The following CASP8 variants were observed in gnomAD, a reference collection of about 807,000 sequenced individuals.
CASP8 encodes caspase 8, also known as caspase-8.
Under a neutral mutation model 46.3 loss-of-function variants are expected in CASP8, and 24 were observed. That is an observed-to-expected ratio of 0.52 (90% CI 0.38 to 0.73). The LOEUF (loss-of-function observed/expected upper bound fraction) is 0.73, where lower values mean the gene tolerates loss of function less well. CASP8 is among the 30% of genes least tolerant of loss of function. CASP8 has a pLI of 0.00. For synonymous variants in CASP8, 188 were observed against 200.4 expected (o/e 0.94, Z 0.52); for missense variants, 460 against 559.0 (o/e 0.82, Z 1.79).
chr2:201,283,010 T>C (rs1383569626), intron 7 of CASP8, among the ~76,000 whole-genome samples: 21 of 30,276 alleles, frequency 6.9e-4, no homozygotes, highest in Non-Finnish European at 9.0e-4. Flanking sequence ...CCCCCCCACC[T>C]CCCTCCCGGA....
At chr2:201,239,405 C>A (rs920454645) in intron 2 of CASP8, among the ~76,000 whole-genome samples, 1 of 152,158 alleles carries the variant, frequency 6.6e-6, no homozygotes, top group Non-Finnish European at 1.5e-5. Flanking sequence ...GGCTGACCCC[C>A]CACCTCCCTC....
At chr2:201,283,688 C>T (rs1949320110) in intron 7 of CASP8, among the ~76,000 whole-genome samples, 1 of 77,186 alleles carries the variant, frequency 1.3e-5, no homozygotes, top group African/African-American at 4.1e-5. Flanking sequence ...GGATGGCCGA[C>T]CACCCCCCCC....
chr2:201,271,717 C>A, intron 3 of CASP8, 96 bp downstream of exon 3: 1 of 769,678 alleles, frequency 1.3e-6, no homozygotes, highest in Non-Finnish European at 2.4e-6. Context: ...GTAAAAGCAA[C>A]CTGGATTCTC....
At chr2:201,239,252 C>T (rs2124884005) in intron 2 of CASP8, among the ~76,000 whole-genome samples, 1 of 152,310 alleles carries the variant, frequency 6.6e-6, no homozygotes. Context: ...CCGCCATTGT[C>T]ATCATGGCCC....
exon 2 of CASP8, chr2:201,234,085 T>A (rs1282419746): frequency 2.6e-5 from 4 of 152,536 alleles, no homozygotes; most frequent in African/African-American, 9.6e-5. Context: ...GCCCTTGAGT[T>A]GGTCACTTGA....
chr2:201,268,559 A>AG (rs1334933348), intron 2 of CASP8, among the ~76,000 whole-genome samples: 1 of 152,104 alleles, frequency 6.6e-6, no homozygotes, highest in African/African-American at 2.4e-5. Context: ...CTCAAAAAAA[A>AG]AAAGAAAGAG....
At chr2:201,277,505 T>TGAC (rs1454940738) in intron 7 of CASP8, among the ~76,000 whole-genome samples, 3 of 152,202 alleles carry the variant, frequency 2.0e-5, no homozygotes, top group African/African-American at 4.8e-5. Flanking sequence ...ATATAAAAAG[T>TGAC]GACTACAACA....
intron 7 of CASP8, chr2:201,281,836 T>TTGAGAA (rs1949039356): frequency 2.1e-6 from 3 of 1,456,256 alleles, no homozygotes; most frequent in Non-Finnish European, 2.7e-6. Flanking sequence ...GCTTCAGGGT[T>TTGAGAA]TGAGAATGTT....
At chr2:201,244,844 A>G (rs1219802419) in intron 2 of CASP8, among the ~76,000 whole-genome samples, 1 of 152,238 alleles carries the variant, frequency 6.6e-6, no homozygotes, top group Non-Finnish European at 1.5e-5. Flanking sequence ...AGGGTTCCCC[A>G]GAGAGACTGA....
chr2:201,274,747 G>A (rs1358516427), intron 5 of CASP8, 142 bp from the exon 6 acceptor site: 5 of 707,584 alleles, frequency 7.1e-6, no homozygotes, highest in East Asian at 2.7e-5. Context: ...AAAGTGCTGG[G>A]ATTACCGGCG....
At chr2:201,267,405 G>A (rs1947900613) in intron 2 of CASP8, among the ~76,000 whole-genome samples, 1 of 152,094 alleles carries the variant, frequency 6.6e-6, no homozygotes, top group Non-Finnish European at 1.5e-5. Flanking sequence ...GTTCTTTACG[G>A]AGCTGTAAGC....
rs367725274 is a variant in CASP8 at position 201,270,620 on chromosome 2, T to C, written c.306-896T>C. ...TCACAGCTCACTGCAGCCTCAACCT[T>C]CTGGGCTCAAGTGATCCTCTCACCT... is the stretch of plus-strand genomic sequence containing the variant. On this transcript the variant is annotated intron_variant, in intron 2 of 8. Transcript: ENST00000673742. 2.0e-4 allele frequency among the ~76,000 whole-genome samples: 30 copies of C among 152,256 alleles called. 1 individual carries two copies. Among genetic ancestry groups the C allele is most frequent in the African/African-American group, 7.0e-4 (29 of 41,548 alleles).
At chr2:201,234,620 T>G (rs1180279575) in intron 2 of CASP8, among the ~76,000 whole-genome samples, 1 of 151,576 alleles carries the variant, frequency 6.6e-6, no homozygotes, top group African/African-American at 2.4e-5. Flanking sequence ...TGGCTAATTT[T>G]TTTTTTTGTA....
chr2:201,233,555 G>GTGAC lies in CASP8; in HGVS notation c.-124+4_-124+7dup, dbSNP rs1945913397. ...ACCCCGCCAACAGCTTCAGAAGAAG[G>GTGAC]TGACTGGTGGCTGCCTGAGGAATAC... is the stretch of plus-strand genomic sequence containing the variant. On this transcript the variant is annotated splice_donor_variant, in intron 1 of 6. Transcript: ENST00000264274. LOFTEE classifies it low-confidence loss of function (5UTR_SPLICE). 6.6e-6 allele frequency: 1 copy of GTGAC among 152,398 alleles called. No homozygotes were observed. Among genetic ancestry groups the GTGAC allele is most frequent in the South Asian group, 2.1e-4 (1 of 4,836 alleles). The allele number at this position is 152,398 out of a possible 1,614,324, so 9.4% of individuals were successfully genotyped here.
chr2:201,258,186 T>C, upstream of CASP8: 2 of 1,603,700 alleles, frequency 1.2e-6, no homozygotes, highest in Non-Finnish European at 1.7e-6. Flanking sequence ...GTGTTTTTTT[T>C]CAAGCCCTGC....
chr2:201,274,844 T>G (rs1484458241), intron 5 of CASP8, 45 bp from the exon 6 acceptor site: 1 of 1,417,298 alleles, frequency 7.1e-7, no homozygotes, highest in Admixed American at 1.7e-5. Context: ...CAGTGTACCT[T>G]TCCTGCCATG....
At chr2:201,248,905 C>CT (rs1946650113) in intron 2 of CASP8, among the ~76,000 whole-genome samples, 1 of 152,054 alleles carries the variant, frequency 6.6e-6, no homozygotes, top group South Asian at 2.1e-4. Context: ...CTGCTTCCTT[C>CT]TTTTTTGAGA....
At chr2:201,263,103 A>G (rs560321291) in intron 1 of CASP8, among the ~76,000 whole-genome samples, 1 of 152,306 alleles carries the variant, frequency 6.6e-6, no homozygotes, top group East Asian at 1.9e-4. Flanking sequence ...CTATGCGCCA[A>G]TCTTATTATA....
intron 2 of CASP8, among the ~76,000 whole-genome samples, chr2:201,254,549 A>C (rs3754935): frequency 0.13 from 19,870 of 152,166 alleles, 1,812 homozygotes; most frequent in South Asian, 0.29. Context: ...GGTTATATAC[A>C]AACTCCCACA....
Sources: gnomAD v4.1 joint callset for allele counts (sites outside exome capture counted in the v4.1 genomes callset) on GRCh38, gnomAD v4.1.1 for gene constraint, MANE v1.5 for transcripts, NCBI Gene and HGNC (gene_info 2026-07-23, HGNC 2026-07-21) for gene names.